TBC1D17: variants seen among roughly 807,000 people sequenced by gnomAD.
TBC1D17 encodes TBC1 domain family member 17.
TBC1D17 carries 69 observed loss-of-function variants against 78.8 expected under a neutral mutation model. That is an observed-to-expected ratio of 0.88 (90% CI 0.72 to 1.07). TBC1D17 has a LOEUF of 1.07. TBC1D17 is among the 50% of genes least tolerant of loss of function. The probability of loss-of-function intolerance (pLI) is 0.00; values close to 1 mark genes in which losing one functional copy is unlikely to be tolerated. For missense variants in TBC1D17, 957 were observed against 861.0 expected (o/e 1.11, Z -1.39); for synonymous variants, 456 against 358.3 (o/e 1.27, Z -3.08).
rs571915339 is a variant in TBC1D17 at position 49,882,810 on chromosome 19, C to T, written c.845C>T (p.Thr282Ile). The T allele has an allele frequency of 2.5e-6, 4 of 1,607,146 alleles. No homozygotes were observed. In the South Asian group the frequency reaches 4.4e-5, roughly 18 times the overall value. ...RPTVERGPPV[T>I]EEEWARHVGP... ...ACCGTGGAGCGGGGCCCTCCAGTTA[C>T]AGAGGAGGAGTGGGCACGCCACGTG... Residue 282 changes from threonine to isoleucine, a missense_variant, in exon 8 of 17, where the codon ACA (threonine) becomes ATA (isoleucine). Coordinates refer to ENST00000221543, the MANE Select transcript of TBC1D17 (RefSeq NM_024682.3).
chr19:49,887,880 G>A lies in TBC1D17; in HGVS notation c.1659+46G>A, dbSNP rs370786592. ...CCGCCCTGTCCCCCCTGAGCTGGGC[G>A]CTGCCCAGGGCCGCAGTACCTCCGG... is the stretch of plus-strand genomic sequence containing the variant. On this transcript the variant is annotated intron_variant, in intron 15 of 16. Transcript: ENST00000221543. The A allele has an allele frequency of 1.1e-4, 156 of 1,454,048 alleles. No individual in the cohort carries two copies. The Middle Eastern group carries it at 1.2e-3, about 11-fold the overall frequency. 90.1% of individuals were successfully genotyped at this position (1,454,048 alleles called of 1,614,324 possible).
At chr19:49,887,418 C>T in intron 13 of TBC1D17, 58 bp from the exon 14 acceptor site, 1 of 1,551,258 alleles carries the variant, frequency 6.4e-7, no homozygotes, top group Non-Finnish European at 8.8e-7. Flanking sequence ...AGGATGACTT[C>T]TCAAACTCTC....
At chr19:49,882,646 G>T in intron 7 of TBC1D17, 118 bp from the exon 8 acceptor site, 1 of 1,422,522 alleles carries the variant, frequency 7.0e-7, no homozygotes, top group Non-Finnish European at 9.2e-7. Flanking sequence ...GCTGCTGCCT[G>T]CCCCTGAATG....
intron 10 of TBC1D17, among the ~76,000 whole-genome samples, chr19:49,884,015 C>T (rs2075037809): frequency 6.6e-6 from 1 of 152,194 alleles, no homozygotes; most frequent in South Asian, 2.1e-4. Context: ...ATTTTGCCTC[C>T]CTGGGCCTCA....
At chr19:49,881,240 T>C (rs773647122) in intron 4 of TBC1D17, 28 bp from the exon 5 acceptor site, 3 of 1,590,364 alleles carry the variant, frequency 1.9e-6, no homozygotes, top group South Asian at 2.2e-5. Context: ...TCCCACGCGC[T>C]TCCCCCAACA....
Position 49,887,843 on chromosome 19 carries a change from C to G in TBC1D17, c.1659+9C>G. ...CCAATGAGATCCTCAAGGTGAGGCT[C>G]CGGCCCCGCCCCCGCCCTGTCCCCC... is the stretch of plus-strand genomic sequence containing the variant. On this transcript the variant is annotated intron_variant, in intron 15 of 16. Transcript: ENST00000221543. 1 of 1,598,320 alleles carries G rather than the reference C, an allele frequency of 6.3e-7. No individual in the cohort carries two copies. Among genetic ancestry groups the G allele is most frequent in the Non-Finnish European group, 8.5e-7 (1 of 1,172,432 alleles).
At chr19:49,881,891 G>A (rs1285842770) in intron 5 of TBC1D17, 150 bp from the exon 6 acceptor site, 3 of 736,732 alleles carry the variant, frequency 4.1e-6, no homozygotes, top group Admixed American at 2.1e-5. Flanking sequence ...ATCCAGCTGT[G>A]GGCCTCCTTT....
In TBC1D17 at chr19:49,881,512, C is replaced by G. The variant is rs377498016; in HGVS notation, c.527+37C>G. On this transcript the variant is annotated intron_variant, in intron 5 of 16. Coordinates refer to ENST00000221543, the MANE Select transcript of TBC1D17 (RefSeq NM_024682.3). ...CCCAGTGCTGGGCCTTAAACCGGGC[C>G]CAGTCCCACCATGGCTGCAGCGTGA... 150 of 1,586,168 alleles carry G rather than the reference C, an allele frequency of 9.5e-5. No individual in the cohort carries two copies. In the African/African-American group the frequency reaches 1.9e-3, roughly 20 times the overall value.
In TBC1D17 at chr19:49,884,492, C is replaced by T. The variant is rs762440970; in HGVS notation, c.1277C>T (p.Pro426Leu). 12 of 1,614,050 alleles carry T rather than the reference C, an allele frequency of 7.4e-6. No homozygotes were observed. Among genetic ancestry groups the T allele is most frequent in the South Asian group, 2.2e-5 (2 of 91,090 alleles). ...YVQGMSDLLS[P>L]ILYVIQNEVD... The stretch of plus-strand genomic sequence containing the variant: ...CAGGGCATGAGTGATCTTCTCTCCC[C>T]GATCCTCTACGTCATTCAGAACGAG... The change falls in exon 12 of 17, where the codon CCG becomes CTG. Residue 426 changes from proline (P) to leucine (L), a missense_variant. Pro to Leu is a moderately conservative substitution (Grantham distance 98). Transcript: ENST00000221543.
At chr19:49,878,420 G>A (rs569551779) in intron 2 of TBC1D17, 78 bp from the exon 3 acceptor site, 1 of 1,460,816 alleles carries the variant, frequency 6.8e-7, no homozygotes, top group Non-Finnish European at 9.6e-7. Context: ...AACTGGGAAA[G>A]TTTGGAAATT....
rs728898 is a variant in TBC1D17 at position 49,878,217 on chromosome 19, T to C, written c.96T>C (p.Ala32=). ...KKYQDRDSLI[A]GVIRVVEKDN... ...ATCAGGACCGAGACTCTCTCATCGC[T>C]GGTGTCATCCGTGTCGTGGAAAAGG... Residue 32 remains alanine, a synonymous_variant, in exon 2 of 17, where the codon GCT becomes GCC. Coordinates refer to ENST00000221543, the MANE Select transcript of TBC1D17 (RefSeq NM_024682.3). 2.1e-5 allele frequency: 33 copies of C among 1,562,124 alleles called. No individual in the cohort carries two copies. In the East Asian group the frequency reaches 7.5e-4, roughly 35 times the overall value.
At chr19:49,878,089 C>A in intron 1 of TBC1D17, 54 bp from the exon 2 acceptor site, 2 of 1,460,984 alleles carry the variant, frequency 1.4e-6, no homozygotes, top group South Asian at 1.2e-5. Context: ...TATTGGCTCC[C>A]CAGGCTGGTC....
At position 49,884,506 on chromosome 19, in the gene TBC1D17, A is replaced by G. The variant is rs368672248; in HGVS notation, c.1291A>G (p.Ile431Val). 3.0e-5 allele frequency: 48 copies of G among 1,614,000 alleles called. No individual in the cohort carries two copies. The highest frequency in any genetic ancestry group is 3.9e-5 in the Non-Finnish European group (46 of 1,180,022). ...TCTTCTCTCCCCGATCCTCTACGTC[A>G]TTCAGAACGAGGTGGATGCTTTCTG... Reference protein sequence around the residue: ...SDLLSPILYVIQNEVDAFWCF... With the variant: ...SDLLSPILYVVQNEVDAFWCF... The change falls in exon 12 of 17, where the codon ATT (isoleucine) becomes GTT (valine). Residue 431 changes from isoleucine to valine, a missense_variant. Transcript: ENST00000221543.
chr19:49,878,841 C>T (rs1370062216), intron 3 of TBC1D17: 3 of 458,836 alleles, frequency 6.5e-6, no homozygotes, highest in East Asian at 3.7e-5. Flanking sequence ...GAGATCCCTG[C>T]CAGGGTGCAA....
chr19:49,878,757 C>A, intron 3 of TBC1D17, 185 bp downstream of exon 3: 1 of 598,172 alleles, frequency 1.7e-6, no homozygotes, highest in Non-Finnish European at 3.0e-6. Flanking sequence ...GATGCCCATT[C>A]AAGGAAAAAG....
rs1398531230 is a variant in TBC1D17 at position 49,877,789 on chromosome 19, G to T, written c.21+45G>T. The T allele has an allele frequency of 3.7e-5, 57 of 1,560,580 alleles. No individual in the cohort carries two copies. In the Admixed American group the frequency reaches 1.1e-3, roughly 30 times the overall value. The stretch of plus-strand genomic sequence containing the variant: ...TCCCTCGCTTCAGTGTATGCGAAAC[G>T]CCCCGTCTAGTGATCAGCTCTTCTC... On this transcript the variant is annotated intron_variant, in intron 1 of 16. Transcript: ENST00000221543.
rs1568677510 is a variant in TBC1D17 at position 49,885,458 on chromosome 19, A to AT, written c.1444+700_1444+701insT. ...GAAAGAAACTCCATCTCAAAAAAAA[A>AT]AAAAAAAAAAAATATATTCTTTATT... On this transcript the variant is annotated intron_variant, in intron 13 of 16. Transcript: ENST00000221543. 4.2e-3 allele frequency: 642 copies of AT among 151,512 alleles called. 6 individuals are homozygous for AT. The highest frequency in any genetic ancestry group is 0.015 in the African/African-American group (621 of 41,226). The allele number at this position is 151,512 out of a possible 1,614,324, so 9.4% of individuals were successfully genotyped here.
intron 15 of TBC1D17, 161 bp from the exon 16 acceptor site, chr19:49,888,070 G>A: frequency 8.2e-7 from 1 of 1,215,400 alleles, no homozygotes; most frequent in South Asian, 1.5e-5. Flanking sequence ...TGCTCAGAAT[G>A]CTCCCGGAGG....
chr19:49,887,645 G>C, intron 14 of TBC1D17, 72 bp downstream of exon 14: 3 of 1,610,124 alleles, frequency 1.9e-6, no homozygotes, highest in Non-Finnish European at 2.5e-6. Flanking sequence ...GGCGGAGAGG[G>C]ACAGACCCTG....
Sources: gnomAD v4.1 joint callset for allele counts (sites outside exome capture counted in the v4.1 genomes callset) on GRCh38, gnomAD v4.1.1 for gene constraint, MANE v1.5 for transcripts, NCBI Gene and HGNC (gene_info 2026-07-23, HGNC 2026-07-21) for gene names.